Variants in ITGAV observed in about 807,000 individuals in gnomAD.
ITGAV encodes the protein integrin alpha-V.
A neutral mutation model predicts 143.8 loss-of-function variants in ITGAV; 76 were observed. The ratio of observed to expected loss-of-function variants is 0.53; its 90% CI spans 0.44 to 0.64. The LOEUF is 0.64. Among genes scored for constraint, ITGAV ranks in the 30% least tolerant of loss-of-function variants. The pLI is 0.00. For synonymous variants in ITGAV, 453 were observed against 446.7 expected (o/e 1.01, Z -0.18); for missense variants, 1,193 against 1,274.7 (o/e 0.94, Z 0.98).
At chr2:186,593,468 T>TA (rs1686668709) in intron 1 of ITGAV, among the ~76,000 whole-genome samples, 1 of 151,800 alleles carries the variant, frequency 6.6e-6, no homozygotes, top group Non-Finnish European at 1.5e-5. Context: ...TCTGTTTTTT[T>TA]TTCTATAAGC....
At chr2:186,647,904 G>A (rs896936876) in intron 13 of ITGAV, among the ~76,000 whole-genome samples, 1 of 152,142 alleles carries the variant, frequency 6.6e-6, no homozygotes, top group Non-Finnish European at 1.5e-5. Context: ...TCATAAATTA[G>A]TAGTATTTTA....
At position 186,633,385 on chromosome 2, in the gene ITGAV, A is replaced by G. The variant is rs781532689; in HGVS notation, c.631+11A>G. ...GCTTTTATTGGCAAGGTAGGTTAATATTTTTTAAATTACAATTGGTGACTA... is the reference window on the plus strand; with the variant it reads ...GCTTTTATTGGCAAGGTAGGTTAATGTTTTTTAAATTACAATTGGTGACTA... On this transcript the variant is annotated intron_variant, in intron 6 of 29. Transcript: ENST00000261023. 2 of 1,527,836 alleles carry G rather than the reference A, an allele frequency of 1.3e-6. No individual in the cohort carries two copies. Among genetic ancestry groups the G allele is most frequent in the East Asian group, 2.3e-5 (1 of 44,264 alleles). The allele number at this position is 1,527,836 out of a possible 1,614,324, so 94.6% of individuals were successfully genotyped here.
intron 13 of ITGAV, among the ~76,000 whole-genome samples, chr2:186,649,001 T>C (rs1688346970): frequency 1.3e-4 from 1 of 7,666 alleles, no homozygotes; most frequent in Non-Finnish European, 4.6e-4. Flanking sequence ...TGTATATATA[T>C]ACACATTTGT....
chr2:186,594,616 T>C (rs1417278561), intron 1 of ITGAV, among the ~76,000 whole-genome samples: 1 of 152,214 alleles, frequency 6.6e-6, no homozygotes. Context: ...TTTTTCATCC[T>C]GGTATTCTGT....
chr2:186,649,651 C>T (rs1395398025), intron 13 of ITGAV, among the ~76,000 whole-genome samples, 189 bp from the exon 14 acceptor site: 1 of 152,118 alleles, frequency 6.6e-6, no homozygotes, highest in Non-Finnish European at 1.5e-5. Flanking sequence ...TTATGATAAG[C>T]ATTTTCCACT....
chr2:186,675,892 A>C lies in ITGAV; in HGVS notation c.2893A>C (p.Asn965His). The change falls in exon 28 of 30, where the codon AAT (asparagine) becomes CAT (histidine). Residue 965 changes from asparagine (N) to histidine (H), a missense_variant. Asn to His is a moderately conservative substitution (Grantham distance 68). Coordinates refer to ENST00000261023, the MANE Select transcript of ITGAV (RefSeq NM_002210.5). ...TAATGTCATAGAGTTTCCTTATAAG[A>C]ATCTTCCAATTGAGGATATCACCAA... ...SFNVIEFPYKNLPIEDITNST... is the reference protein window; with the variant it reads ...SFNVIEFPYKHLPIEDITNST... The C allele has an allele frequency of 6.2e-7, 1 of 1,605,382 alleles. No homozygotes were observed. The highest frequency in any genetic ancestry group is 8.5e-7 in the Non-Finnish European group (1 of 1,172,518).
At chr2:186,590,801 A>C (rs978275972) in intron 1 of ITGAV, among the ~76,000 whole-genome samples, 2 of 152,232 alleles carry the variant, frequency 1.3e-5, no homozygotes, top group Non-Finnish European at 2.9e-5. Flanking sequence ...AAAATCGGGG[A>C]AAGTGGGAAA....
chr2:186,616,873 T>TCC (rs1687378825), intron 2 of ITGAV, among the ~76,000 whole-genome samples: 1 of 152,130 alleles, frequency 6.6e-6, no homozygotes, highest in Non-Finnish European at 1.5e-5. Flanking sequence ...TTTTACCTAA[T>TCC]AAATAAGCAT....
At chr2:186,627,415 CA>C (rs1470234020) in intron 4 of ITGAV, among the ~76,000 whole-genome samples, 1 of 152,154 alleles carries the variant, frequency 6.6e-6, no homozygotes, top group Non-Finnish European at 1.5e-5. Flanking sequence ...AGCTTTTCTA[CA>C]AAGAATACCT....
intron 2 of ITGAV, among the ~76,000 whole-genome samples, chr2:186,617,421 G>A (rs188111003): frequency 8.5e-5 from 13 of 152,316 alleles, no homozygotes; most frequent in African/African-American, 2.9e-4. Flanking sequence ...CGAAAGCTAC[G>A]ACAATCCGGT....
In ITGAV at chr2:186,648,701, G is replaced by A. The variant is rs1688331367; in HGVS notation, c.1352-1139G>A. On this transcript the variant is annotated intron_variant, in intron 13 of 29. Transcript: ENST00000261023. Reference sequence around the variant, plus strand: ...GCTGGTCTTGGTCAGGCTGGTCTCAGTCAGGCTGGTCTCGAACTCCTGACT... The same window carrying A: ...GCTGGTCTTGGTCAGGCTGGTCTCAATCAGGCTGGTCTCGAACTCCTGACT... 2.6e-5 allele frequency among the ~76,000 whole-genome samples: 4 copies of A among 152,070 alleles called. No individual in the cohort carries two copies. In the South Asian group the frequency reaches 8.3e-4, roughly 32 times the overall value.
At chr2:186,631,825 G>A (rs1202231954) in intron 5 of ITGAV, among the ~76,000 whole-genome samples, 1 of 152,160 alleles carries the variant, frequency 6.6e-6, no homozygotes, top group Non-Finnish European at 1.5e-5. Flanking sequence ...TGTAGCCCAG[G>A]AGACCAGCCT....
At position 186,640,941 on chromosome 2, in the gene ITGAV, A is replaced by G; in HGVS notation, c.930A>G (p.Val310=). ...EQMAAYFGFS[V]AATDINGDDY... ...TGGCTGCATATTTCGGATTTTCTGT[A>G]GCTGCCACTGACATTAATGGAGATG... The change falls in exon 11 of 30, where the codon GTA becomes GTG. Residue 310 remains valine (V), a synonymous_variant. Coordinates refer to ENST00000261023, the MANE Select transcript of ITGAV (RefSeq NM_002210.5). The G allele has an allele frequency of 6.3e-7, 1 of 1,596,786 alleles. No homozygotes were observed. Among genetic ancestry groups the G allele is most frequent in the African/African-American group, 1.3e-5 (1 of 74,748 alleles).
Position 186,667,686 on chromosome 2 carries a change from T to G in ITGAV, c.2343T>G (p.Asp781Glu). The G allele has an allele frequency of 6.2e-7, 1 of 1,603,150 alleles. No individual in the cohort carries two copies. The change falls in exon 24 of 30, where the codon GAT becomes GAG. Residue 781 changes from aspartate to glutamate, a missense_variant. Physicochemically the swap from Asp to Glu is conservative, Grantham distance 45 (BLOSUM62 2). Transcript: ENST00000261023. ...AVEIRGVSSP[D>E]HVFLPIPNWE... ...CATTGTTTAGAGTCTCGAGTCCTGA[T>G]CATGTCTTTCTTCCGATTCCAAACT...
At chr2:186,661,714 A>G (rs563154987) in intron 18 of ITGAV, among the ~76,000 whole-genome samples, 6 of 151,462 alleles carry the variant, frequency 4.0e-5, no homozygotes, top group South Asian at 4.2e-4. Flanking sequence ...ACCCTGCCTC[A>G]GCCTCCTGAG....
At chr2:186,598,485 T>G (rs1686811366) in intron 1 of ITGAV, among the ~76,000 whole-genome samples, 1 of 148,648 alleles carries the variant, frequency 6.7e-6, no homozygotes, top group African/African-American at 2.5e-5. Context: ...TTGCCCAGGC[T>G]GGACTGCAGT....
intron 4 of ITGAV, among the ~76,000 whole-genome samples, chr2:186,630,548 T>C (rs1687788912): frequency 6.6e-6 from 1 of 151,842 alleles, no homozygotes; most frequent in Non-Finnish European, 1.5e-5. Flanking sequence ...AAATTTATCA[T>C]TTTAGTTGGT....
chr2:186,668,600 C>A (rs189874503), intron 24 of ITGAV, 162 bp from the exon 25 acceptor site: 9 of 613,378 alleles, frequency 1.5e-5, no homozygotes, highest in African/African-American at 3.8e-5. Flanking sequence ...TGAGTTTGAT[C>A]ATTTTTGCAT....
intron 2 of ITGAV, among the ~76,000 whole-genome samples, chr2:186,606,526 G>A (rs1477725165): frequency 3.9e-5 from 6 of 152,026 alleles, no homozygotes; most frequent in Non-Finnish European, 8.8e-5. Flanking sequence ...GTTTCATGTC[G>A]CTATTCCTCC....
Sources: allele counts gnomAD v4.1 joint callset (sites outside exome capture counted in the v4.1 genomes callset), GRCh38; gene constraint gnomAD v4.1.1; transcripts MANE v1.5; gene names NCBI Gene and HGNC (gene_info 2026-07-23, HGNC 2026-07-21).